The following GRIA4 variants were observed in gnomAD, a reference collection of about 807,000 sequenced individuals.
GRIA4 encodes the protein glutamate receptor 4.
In GRIA4, 34 loss-of-function variants were observed where a neutral mutation model predicts 104.0. That is an observed-to-expected ratio of 0.33 (90% CI 0.25 to 0.44). The LOEUF is 0.44. Ranked by LOEUF, GRIA4 falls within the 20% of genes least tolerant of loss-of-function variation. GRIA4 has a pLI of 1.00. For synonymous variants in GRIA4, 386 were observed against 381.9 expected, an observed-to-expected ratio of 1.01 and a Z score of -0.13; for missense variants, 750 against 1,096.5, an observed-to-expected ratio of 0.68 and a Z score of 4.46.
intron 3 of GRIA4, among the ~76,000 whole-genome samples, chr11:105,731,834 A>T (rs1207379050): frequency 6.6e-6 from 1 of 151,890 alleles, no homozygotes; most frequent in Non-Finnish European, 1.5e-5. Flanking sequence ...CAATAAAAAC[A>T]TATGGGCACA....
intron 3 of GRIA4, among the ~76,000 whole-genome samples, chr11:105,660,512 T>A (rs1276188303): frequency 6.6e-6 from 1 of 151,522 alleles, no homozygotes; most frequent in Non-Finnish European, 1.5e-5. Flanking sequence ...CACAGAAAAT[T>A]TATGTTACAG....
intron 4 of GRIA4, among the ~76,000 whole-genome samples, chr11:105,786,097 A>T (rs1159258613): frequency 1.4e-5 from 2 of 146,194 alleles, no homozygotes; most frequent in Non-Finnish European, 3.0e-5. Context: ...GTGAGCCGAG[A>T]TCGAGCCACT....
Position 105,610,679 on chromosome 11 carries a change from C to A in GRIA4, c.-90-229C>A, listed in dbSNP as rs1429327340. On this transcript the variant is annotated intron_variant, in intron 1 of 16. Coordinates refer to ENST00000282499, the MANE Select transcript of GRIA4 (RefSeq NM_000829.4). ...AGATAGAGCGCATGTCTCATCCCTG[C>A]GAGCAGCCACTAGACGCTCCACCAC... 6 of 294,036 alleles carry A rather than the reference C, an allele frequency of 2.0e-5. 1 individual carries two copies. The South Asian group carries it at 2.3e-4, about 11-fold the overall frequency. 18.2% of individuals were successfully genotyped at this position (294,036 alleles called of 1,614,324 possible).
At chr11:105,705,863 T>C (rs993182081) in intron 3 of GRIA4, among the ~76,000 whole-genome samples, 12 of 152,306 alleles carry the variant, frequency 7.9e-5, no homozygotes, top group African/African-American at 2.4e-4. Flanking sequence ...TAAAACTGCA[T>C]GTACATTTAC....
rs1410721816 is a variant in GRIA4 at position 105,905,087 on chromosome 11, TTA to T, written c.1054-107_1054-106del. 6 of 648,008 alleles carry T rather than the reference TTA, an allele frequency of 9.3e-6. No individual in the cohort carries two copies. The African/African-American group carries it at 1.1e-4, about 12-fold the overall frequency. 40.1% of individuals were successfully genotyped at this position (648,008 alleles called of 1,614,324 possible). ...ACCTAATGGCATTTCAGTTAGTTGG[TTA>T]TAGTTTATAGTTCTACTTTTTTAAG... On this transcript the variant is annotated intron_variant, in intron 8 of 16. Coordinates refer to ENST00000282499, the MANE Select transcript of GRIA4 (RefSeq NM_000829.4).
At chr11:105,812,146 C>G (rs943170467) in intron 4 of GRIA4, among the ~76,000 whole-genome samples, 25 of 152,314 alleles carry the variant, frequency 1.6e-4, no homozygotes, top group African/African-American at 5.3e-4. Context: ...AGAACATATT[C>G]ATTTTTTTCA....
chr11:105,854,883 T>TG (rs1944955065), intron 4 of GRIA4, among the ~76,000 whole-genome samples: 1 of 152,144 alleles, frequency 6.6e-6, no homozygotes, highest in East Asian at 1.9e-4. Flanking sequence ...TGCCACTTAG[T>TG]GGGGTTATGC....
intron 10 of GRIA4, among the ~76,000 whole-genome samples, chr11:105,916,323 T>C (rs1318335764): frequency 2.0e-5 from 3 of 152,186 alleles, no homozygotes; most frequent in Non-Finnish European, 4.4e-5. Flanking sequence ...GGGAAATGCC[T>C]ACCTCAATGT....
At chr11:105,912,266 T>G (rs1251309741) in intron 10 of GRIA4, 12 of 977,520 alleles carry the variant, frequency 1.2e-5, no homozygotes, top group Non-Finnish European at 1.3e-5. Flanking sequence ...TTTGTGTGCT[T>G]GTTTTCTGAA....
At chr11:105,953,331 G>A (rs964241663) in intron 14 of GRIA4, among the ~76,000 whole-genome samples, 2 of 152,160 alleles carry the variant, frequency 1.3e-5, no homozygotes, top group Non-Finnish European at 2.9e-5. Context: ...TTTACACAGA[G>A]TTCTGGGGTT....
intron 3 of GRIA4, among the ~76,000 whole-genome samples, chr11:105,714,398 A>G (rs945845441): frequency 1.3e-5 from 2 of 152,094 alleles, no homozygotes; most frequent in African/African-American, 4.8e-5. Flanking sequence ...TCACTTTGAG[A>G]TAATTTGGTT....
At chr11:105,917,538 G>A (rs990141292) in intron 10 of GRIA4, among the ~76,000 whole-genome samples, 1 of 152,058 alleles carries the variant, frequency 6.6e-6, no homozygotes, top group African/African-American at 2.4e-5. Flanking sequence ...TGAACTTTCT[G>A]GGGAAAAAGA....
chr11:105,902,402 C>T (rs1245967468), intron 7 of GRIA4, among the ~76,000 whole-genome samples: 1 of 151,494 alleles, frequency 6.6e-6, no homozygotes, highest in African/African-American at 2.4e-5. Flanking sequence ...ACAATCATTG[C>T]TCACTGTACC....
chr11:105,756,419 C>G (rs1940313681), intron 4 of GRIA4, among the ~76,000 whole-genome samples: 2 of 152,248 alleles, frequency 1.3e-5, no homozygotes, highest in South Asian at 4.1e-4. Context: ...ATTCCACCAA[C>G]ACAAATGTAC....
intron 4 of GRIA4, among the ~76,000 whole-genome samples, chr11:105,753,579 C>T (rs573503612): frequency 6.6e-6 from 1 of 152,200 alleles, no homozygotes; most frequent in South Asian, 2.1e-4. Context: ...GCCAGCTAAG[C>T]GACCCTCCAG....
intron 4 of GRIA4, among the ~76,000 whole-genome samples, chr11:105,849,617 A>G (rs939212488): frequency 6.6e-6 from 1 of 152,182 alleles, no homozygotes; most frequent in Non-Finnish European, 1.5e-5. Context: ...TGATGGATCA[A>G]ATGAGGCAGG....
In GRIA4 at chr11:105,826,074, T is replaced by G. The variant is rs1015611143; in HGVS notation, c.488-35950T>G. The stretch of plus-strand genomic sequence containing the variant: ...ATTTGATTCCCTTGCCTCCCCAGCA[T>G]ACTCAGACGTGTGTGTATAACCTTC... On this transcript the variant is annotated intron_variant, in intron 4 of 16. Coordinates refer to ENST00000282499, the MANE Select transcript of GRIA4 (RefSeq NM_000829.4). Among the ~76,000 whole-genome samples the G allele has an allele frequency of 3.3e-5, 5 of 152,106 alleles. No individual in the cohort carries two copies. In the South Asian group the frequency reaches 6.2e-4, roughly 19 times the overall value.
intron 14 of GRIA4, among the ~76,000 whole-genome samples, chr11:105,964,813 G>T (rs1271110): frequency 0.62 from 87,907 of 142,234 alleles, 26,586 homozygotes; most frequent in Middle Eastern, 0.72. Context: ...TTGTTTGTTT[G>T]TTTTTGTTTT....
intron 9 of GRIA4, among the ~76,000 whole-genome samples, chr11:105,906,586 G>C (rs1053770756): frequency 2.0e-5 from 3 of 152,134 alleles, no homozygotes; most frequent in Non-Finnish European, 4.4e-5. Flanking sequence ...GAGAAGTTTG[G>C]AGCTGCCGTG....
Sources: allele counts gnomAD v4.1 joint callset (sites outside exome capture counted in the v4.1 genomes callset), GRCh38; gene constraint gnomAD v4.1.1; transcripts MANE v1.5; gene names NCBI Gene and HGNC (gene_info 2026-07-23, HGNC 2026-07-21).